HSPB7: variants seen among roughly 807,000 people sequenced by gnomAD.
HSPB7 encodes heat shock protein family B (small) member 7.
HSPB7 carries 9 observed loss-of-function variants against 11.0 expected under a neutral mutation model. That is an observed-to-expected ratio of 0.82 (90% CI 0.49 to 1.43). HSPB7 has a LOEUF of 1.43. HSPB7 is among the 40% of genes most tolerant of loss of function. The pLI is 0.00. For missense variants in HSPB7, 246 were observed against 243.9 expected (o/e 1.01, Z -0.06); for synonymous variants, 102 against 101.6 (o/e 1.00, Z -0.02).
rs1434947914 is a variant in HSPB7 at position 16,015,310 on chromosome 1, A to C, written c.*270T>G. ...CCCTGACCCACAGTGGGTTCTTTAG[A>C]TCTTCCTTCCCTGACCCCAGCCCCT... is the stretch of plus-strand genomic sequence containing the variant. On this transcript the variant is annotated 3_prime_UTR_variant, in exon 3 of 3. Transcript: ENST00000311890. The surrounding 1 kb of genome is among the most constrained non-coding windows in gnomAD (Gnocchi z 4.9). 1 of 440,426 alleles carries C rather than the reference A, an allele frequency of 2.3e-6. No homozygotes were observed. The highest frequency in any genetic ancestry group is 4.1e-6 in the Non-Finnish European group (1 of 243,526). 27.3% of individuals were successfully genotyped at this position (440,426 alleles called of 1,614,324 possible).
At chr1:16,017,441 C>T (rs953405648) in intron 1 of HSPB7, 4 of 599,048 alleles carry the variant, frequency 6.7e-6, no homozygotes, top group East Asian at 2.8e-5. Flanking sequence ...AACCCCACCC[C>T]AGGCCTGGAG....
At chr1:16,019,177 G>A, upstream of HSPB7, 2 of 1,550,536 alleles carry the variant, frequency 1.3e-6, no homozygotes, top group Non-Finnish European at 1.7e-6. Flanking sequence ...AGGCGGCCAG[G>A]CCCTCTGCTC....
At chr1:16,019,428 C>T (rs1474750743), upstream of HSPB7, 3 of 1,549,532 alleles carry the variant, frequency 1.9e-6, no homozygotes, top group Admixed American at 2.0e-5. Flanking sequence ...CCCTATCCAA[C>T]TGGCAGTTCC....
chr1:16,019,387 T>A (rs777450286), upstream of HSPB7: 1 of 1,498,188 alleles, frequency 6.7e-7, no homozygotes, highest in Non-Finnish European at 9.1e-7. Context: ...AGTCTTCCTG[T>A]GTGCTGTGAC....
chr1:16,016,475 G>A (rs1216964351), intron 2 of HSPB7, among the ~76,000 whole-genome samples: 1 of 152,206 alleles, frequency 6.6e-6, no homozygotes, highest in Non-Finnish European at 1.5e-5. Flanking sequence ...ACTCAGACAC[G>A]CTAGAGACCC....
upstream of HSPB7, chr1:16,018,061 G>A: frequency 1.9e-6 from 3 of 1,597,450 alleles, no homozygotes; most frequent in South Asian, 2.3e-5. Flanking sequence ...TCCGACTGCG[G>A]CCGCTTTATA....
upstream of HSPB7, chr1:16,019,531 C>A: frequency 6.7e-7 from 1 of 1,486,838 alleles, no homozygotes; most frequent in South Asian, 1.4e-5. Context: ...ACAACCCAGT[C>A]TGGAGCTTCA....
At chr1:16,019,235 C>A (rs2021970542), upstream of HSPB7, 4 of 1,549,508 alleles carry the variant, frequency 2.6e-6, no homozygotes, top group African/African-American at 5.5e-5. Context: ...CAAATCCGTC[C>A]CTTCCGTCCC....
At position 16,017,759 on chromosome 1, in the gene HSPB7, A is replaced by G; in HGVS notation, c.199+6T>C. 2 of 1,586,248 alleles carry G rather than the reference A, an allele frequency of 1.3e-6. No homozygotes were observed. Among genetic ancestry groups the G allele is most frequent in the Non-Finnish European group, 1.7e-6 (2 of 1,166,752 alleles). On this transcript the variant is annotated splice_donor_region_variant and intron_variant, in intron 1 of 2. Coordinates refer to ENST00000311890, the MANE Select transcript of HSPB7 (RefSeq NM_014424.5). ...CTCCCCTCCCCTCAGGGCCCGGATC[A>G]CTTGCCTGGGAAGGCCAGGGGCTCC...
Position 16,017,869 on chromosome 1 carries a change from C to A in HSPB7, c.95G>T (p.Arg32Leu). Residue 32 changes from arginine to leucine, a missense_variant, in exon 1 of 3, where the codon CGT becomes CTT. Coordinates refer to ENST00000311890, the MANE Select transcript of HSPB7 (RefSeq NM_014424.5). ...SSSSTSSSAS[R>L]ALPAQDPPME... Reference sequence around the variant, plus strand: ...GGGCGGGTCCTGGGCCGGGAGAGCACGGGAGGCCGAGGAGGAGGTGGAAGA... The same window carrying A: ...GGGCGGGTCCTGGGCCGGGAGAGCAAGGGAGGCCGAGGAGGAGGTGGAAGA... 2 of 1,613,824 alleles carry A rather than the reference C, an allele frequency of 1.2e-6. No homozygotes were observed. The highest frequency in any genetic ancestry group is 1.7e-6 in the Non-Finnish European group (2 of 1,179,890).
At chr1:16,018,501 C>T (rs1016182223), upstream of HSPB7, 36 of 1,108,428 alleles carry the variant, frequency 3.2e-5, no homozygotes, top group Non-Finnish European at 3.7e-5. Context: ...ACGTCAGGAG[C>T]TCCTTCCCTC....
chr1:16,017,231 G>T (rs748568896), intron 1 of HSPB7, 24 bp from the exon 2 acceptor site: 1 of 1,609,078 alleles, frequency 6.2e-7, no homozygotes, highest in Non-Finnish European at 8.5e-7. Context: ...TGCTGTGAGC[G>T]AGGCATGGAG....
At chr1:16,019,294 C>T, upstream of HSPB7, 1 of 1,475,202 alleles carries the variant, frequency 6.8e-7, no homozygotes, top group Non-Finnish European at 9.3e-7. Context: ...CTGACTGCTC[C>T]TGCTCACATG....
Position 16,015,527 on chromosome 1 carries a change from GC to G in HSPB7, c.*52del, listed in dbSNP as rs2148840648. On this transcript the variant is annotated 3_prime_UTR_variant, in exon 3 of 3. Transcript: ENST00000311890. The surrounding 1 kb of genome is among the most constrained non-coding windows in gnomAD (Gnocchi z 4.9). ...GAGCTGTTGTAATGGGGTTAGCGAGGCTTTGCTGGCAGGCGTGGGGCGGGGG... is the reference window on the plus strand; with the variant it reads ...GAGCTGTTGTAATGGGGTTAGCGAGGTTTGCTGGCAGGCGTGGGGCGGGGG... 1 of 1,566,588 alleles carries G rather than the reference GC, an allele frequency of 6.4e-7. No homozygotes were observed. Among genetic ancestry groups the G allele is most frequent in the Admixed American group, 1.7e-5 (1 of 59,342 alleles).
At position 16,015,832 on chromosome 1, in the gene HSPB7, C is replaced by T; in HGVS notation, c.334-73G>A. ...GCTTGTGACAAGCCAGAGCCCTCTT[C>T]TCCCCATTCTAACCCCAGCCAGACC... On this transcript the variant is annotated intron_variant, in intron 2 of 2. Coordinates refer to ENST00000311890, the MANE Select transcript of HSPB7 (RefSeq NM_014424.5). This position sits in a 1 kb window ranked among gnomAD's most constrained non-coding sequence, Gnocchi z 4.9. The T allele has an allele frequency of 7.2e-7, 1 of 1,387,860 alleles. No individual in the cohort carries two copies. Among genetic ancestry groups the T allele is most frequent in the Non-Finnish European group, 9.8e-7 (1 of 1,024,390 alleles). The allele number at this position is 1,387,860 out of a possible 1,614,324, so 86.0% of individuals were successfully genotyped here.
In HSPB7 at chr1:16,014,477, T is replaced by G. The variant is rs1315039843; in HGVS notation, c.*1103A>C. The G allele has an allele frequency of 6.6e-6, 1 of 152,202 alleles. No individual in the cohort carries two copies. The highest frequency in any genetic ancestry group is 1.9e-4 in the East Asian group (1 of 5,186). 9.4% of individuals were successfully genotyped at this position (152,202 alleles called of 1,614,324 possible). On this transcript the variant is annotated 3_prime_UTR_variant, in exon 3 of 3. Transcript: ENST00000311890. The stretch of plus-strand genomic sequence containing the variant: ...CAGCAGTTGACACCCTGGGTTCAGA[T>G]CTAACCTTCAGTGACAAAGCACAGC...
upstream of HSPB7, chr1:16,018,631 C>G: frequency 9.7e-7 from 1 of 1,035,108 alleles, no homozygotes; most frequent in South Asian, 3.6e-5. Flanking sequence ...CCTGCACTCC[C>G]TCTGACTCTC....
chr1:16,018,421 C>T (rs1197913870), upstream of HSPB7: 10 of 1,170,584 alleles, frequency 8.5e-6, no homozygotes, highest in African/African-American at 3.2e-5. Flanking sequence ...TTCTCCTCCA[C>T]GGCTGTACCT....
At chr1:16,019,463 T>A (rs1368531868), upstream of HSPB7, 9 of 1,547,202 alleles carry the variant, frequency 5.8e-6, no homozygotes, top group Non-Finnish European at 7.9e-6. Context: ...TTCACCTGTC[T>A]CCCCATTAGA....
Sources: allele counts gnomAD v4.1 joint callset (sites outside exome capture counted in the v4.1 genomes callset), GRCh38; gene constraint gnomAD v4.1.1; non-coding constraint Gnocchi (gnomAD v3.1); transcripts MANE v1.5; gene names NCBI Gene and HGNC (gene_info 2026-07-23, HGNC 2026-07-21).